Variants in PHLDB2 observed in about 807,000 individuals in gnomAD.
PHLDB2 encodes pleckstrin homology-like domain family B member 2.
Under a neutral mutation model 123.6 loss-of-function variants are expected in PHLDB2, and 71 were observed. The ratio of observed to expected loss-of-function variants is 0.57; its 90% CI spans 0.47 to 0.70. The LOEUF is 0.70. PHLDB2 is among the 30% of genes least tolerant of loss of function. PHLDB2 has a pLI of 0.00. For missense variants in PHLDB2, 1,446 were observed against 1,519.5 expected, an observed-to-expected ratio of 0.95 and a Z score of 0.80; for synonymous variants, 547 against 541.6, an observed-to-expected ratio of 1.01 and a Z score of -0.14.
chr3:111,931,903 A>G (rs2069171825), intron 5 of PHLDB2, among the ~76,000 whole-genome samples: 1 of 151,922 alleles, frequency 6.6e-6, no homozygotes, highest in Non-Finnish European at 1.5e-5. Flanking sequence ...CTGACAGGTG[A>G]CTCTTAGCAA....
chr3:111,863,663 C>G (rs1467825745), intron 1 of PHLDB2, among the ~76,000 whole-genome samples: 3 of 152,186 alleles, frequency 2.0e-5, no homozygotes, highest in Admixed American at 6.5e-5. Flanking sequence ...CTGCAAGCCT[C>G]CTGTTCTATT....
At chr3:111,887,498 T>C (rs1473648248) in intron 2 of PHLDB2, among the ~76,000 whole-genome samples, 4 of 152,176 alleles carry the variant, frequency 2.6e-5, no homozygotes, top group Non-Finnish European at 5.9e-5. Flanking sequence ...ACTTCCTGAA[T>C]TCTGAGAGAT....
intron 2 of PHLDB2, among the ~76,000 whole-genome samples, chr3:111,887,325 C>T (rs564779302): frequency 5.3e-5 from 8 of 152,174 alleles, no homozygotes; most frequent in South Asian, 4.1e-4. Context: ...GTGGGCGTAT[C>T]GTATTTGTTG....
At chr3:111,900,835 G>A (rs926356061) in intron 2 of PHLDB2, among the ~76,000 whole-genome samples, 1 of 152,088 alleles carries the variant, frequency 6.6e-6, no homozygotes, top group African/African-American at 2.4e-5. Context: ...AATGAGATAT[G>A]CCTGTAGTTA....
rs548899987 is a variant in PHLDB2, at chr3:111,970,048, ATTATT to A, written c.3535+144_3535+148del. 508 of 713,420 alleles carry A rather than the reference ATTATT, an allele frequency of 7.1e-4. 5 individuals carry two copies. The highest frequency in any genetic ancestry group is 4.4e-3 in the South Asian group (236 of 53,444). 44.2% of individuals were successfully genotyped at this position (713,420 alleles called of 1,614,324 possible). On this transcript the variant is annotated intron_variant, in intron 16 of 17. Coordinates refer to ENST00000431670, the MANE Select transcript of PHLDB2 (RefSeq NM_001134438.2). ...GGCAATATTAGATTTGTAGGTGTACATTATTTTATATTTAGATTATATAGTCCATA... is the reference window on the plus strand; with the variant it reads ...GGCAATATTAGATTTGTAGGTGTACATTATATTTAGATTATATAGTCCATA...
At chr3:111,941,302 A>G (rs1184823810) in intron 8 of PHLDB2, among the ~76,000 whole-genome samples, 1 of 152,226 alleles carries the variant, frequency 6.6e-6, no homozygotes, top group Non-Finnish European at 1.5e-5. Context: ...CATTTCAGCA[A>G]TAAGACACCA....
chr3:111,881,419 A>C (rs763029986), intron 1 of PHLDB2, among the ~76,000 whole-genome samples: 1 of 152,210 alleles, frequency 6.6e-6, no homozygotes, highest in African/African-American at 2.4e-5. Context: ...GAACCATGAG[A>C]TATAACTTAT....
chr3:111,927,318 G>A (rs1458648558), intron 5 of PHLDB2, among the ~76,000 whole-genome samples: 2 of 152,058 alleles, frequency 1.3e-5, no homozygotes, highest in African/African-American at 4.8e-5. Flanking sequence ...CTTGAGCTCA[G>A]GAGTTCAAGA....
chr3:111,974,308 G>A (rs934582542), intron 17 of PHLDB2, 115 bp from the exon 18 acceptor site: 49 of 1,002,160 alleles, frequency 4.9e-5, no homozygotes, highest in Non-Finnish European at 5.8e-5. Flanking sequence ...CAAAAGTAAC[G>A]CCTTTGTAAA....
chr3:111,796,997 A>G (rs954442024), intron 1 of PHLDB2, among the ~76,000 whole-genome samples: 21 of 152,328 alleles, frequency 1.4e-4, no homozygotes, highest in Middle Eastern at 3.4e-3. Flanking sequence ...AACTTCCTCT[A>G]ACCCTTTTCT....
chr3:111,764,125 T>TA (rs779358033), intron 1 of PHLDB2, among the ~76,000 whole-genome samples: 3 of 152,330 alleles, frequency 2.0e-5, no homozygotes, highest in Admixed American at 1.3e-4. Flanking sequence ...GGAACCTCTT[T>TA]AAATCCACTT....
At position 111,919,260 on chromosome 3, in the gene PHLDB2, T is replaced by C. The variant is rs772462835; in HGVS notation, c.1863+45T>C. On this transcript the variant is annotated intron_variant, in intron 4 of 17. Transcript: ENST00000431670. ...CCCTTTTTTCTTTCTTTCCTTCAGC[T>C]TAAAAATATTGCTACTTATTCAGGA... is the stretch of plus-strand genomic sequence containing the variant. 3.8e-6 allele frequency: 6 copies of C among 1,594,166 alleles called. No homozygotes were observed. In the East Asian group the frequency reaches 1.3e-4, roughly 36 times the overall value.
intron 1 of PHLDB2, among the ~76,000 whole-genome samples, chr3:111,822,988 A>G (rs145621564): frequency 1.3e-5 from 2 of 152,390 alleles, no homozygotes; most frequent in East Asian, 3.9e-4. Flanking sequence ...GCACTAGGCA[A>G]CATGCTTTCC....
intron 1 of PHLDB2, among the ~76,000 whole-genome samples, chr3:111,764,832 C>A (rs898474144): frequency 6.6e-6 from 1 of 152,172 alleles, no homozygotes; most frequent in Non-Finnish European, 1.5e-5. Context: ...GAAACAAGGT[C>A]CACTGACACA....
chr3:111,876,714 G>A (rs1472882861), intron 1 of PHLDB2, among the ~76,000 whole-genome samples: 3 of 151,714 alleles, frequency 2.0e-5, no homozygotes, highest in Admixed American at 6.6e-5. Context: ...ATGCTATCCC[G>A]CCCCTAGCCC....
chr3:111,865,418 C>T (rs2065020582), intron 1 of PHLDB2, among the ~76,000 whole-genome samples: 1 of 152,192 alleles, frequency 6.6e-6, no homozygotes. Context: ...GTAGCTGCCA[C>T]CTTATCACTA....
intron 1 of PHLDB2, among the ~76,000 whole-genome samples, chr3:111,755,041 G>T (rs1324274395): frequency 1.3e-5 from 2 of 151,962 alleles, no homozygotes; most frequent in African/African-American, 4.8e-5. Flanking sequence ...TGTGCTGCTG[G>T]ATTCGGTTTG....
chr3:111,899,778 C>G (rs1422248752), intron 2 of PHLDB2, among the ~76,000 whole-genome samples: 1 of 152,158 alleles, frequency 6.6e-6, no homozygotes, highest in Non-Finnish European at 1.5e-5. Flanking sequence ...GCTGTTTTGT[C>G]TACGTTGTTT....
intron 11 of PHLDB2, 79 bp from the exon 12 acceptor site, chr3:111,953,851 G>T: frequency 9.1e-7 from 1 of 1,102,566 alleles, no homozygotes; most frequent in Non-Finnish European, 1.3e-6. Flanking sequence ...TAGGAGCTTT[G>T]GAAACAGGGA....
Sources: allele counts gnomAD v4.1 joint callset (sites outside exome capture counted in the v4.1 genomes callset), GRCh38; gene constraint gnomAD v4.1.1; transcripts MANE v1.5; gene names NCBI Gene and HGNC (gene_info 2026-07-23, HGNC 2026-07-21).